ST7: variants seen among roughly 807,000 people sequenced by gnomAD.
ST7 encodes suppression of tumorigenicity 7, also known as suppressor of tumorigenicity 7 protein.
ST7 carries 28 observed loss-of-function variants against 78.7 expected under a neutral mutation model. The ratio of observed to expected loss-of-function variants is 0.36; its 90% confidence interval spans 0.26 to 0.49. ST7 has a LOEUF of 0.49. Ranked by LOEUF, ST7 falls within the 20% of genes least tolerant of loss-of-function variation. The probability of loss-of-function intolerance (pLI) is 0.99; values close to 1 mark genes in which losing one functional copy is unlikely to be tolerated. For synonymous variants in ST7, 247 were observed against 249.6 expected, an observed-to-expected ratio of 0.99 and a Z score of 0.10; for missense variants, 418 against 696.0, an observed-to-expected ratio of 0.60 and a Z score of 4.49.
At chr7:117,014,389 A>T (rs889042991) in intron 1 of ST7, among the ~76,000 whole-genome samples, 2 of 152,242 alleles carry the variant, frequency 1.3e-5, no homozygotes, top group Non-Finnish European at 2.9e-5. Context: ...TGTCCTTTCC[A>T]GCTGATGTCT....
At chr7:117,023,715 T>A (rs971203163) in intron 1 of ST7, among the ~76,000 whole-genome samples, 2 of 152,162 alleles carry the variant, frequency 1.3e-5, no homozygotes, top group Non-Finnish European at 1.5e-5. Context: ...AAGAAGAAAG[T>A]ACTATCAAGT....
chr7:117,169,817 TTTTTTTG>T (rs1364429510), intron 9 of ST7, among the ~76,000 whole-genome samples: 2 of 141,240 alleles, frequency 1.4e-5, no homozygotes, highest in African/African-American at 3.0e-5. Flanking sequence ...TTTTTTTTTT[TTTTTTTG>T]TCCTGAGTAG....
intron 2 of ST7, among the ~76,000 whole-genome samples, chr7:117,113,333 T>C (rs949042491): frequency 2.0e-5 from 3 of 152,176 alleles, no homozygotes; most frequent in African/African-American, 7.2e-5. Flanking sequence ...GGAAGGTGGA[T>C]AGCAGCAGGG....
chr7:117,162,344 T>A (rs1807225954), intron 9 of ST7, among the ~76,000 whole-genome samples: 1 of 151,980 alleles, frequency 6.6e-6, no homozygotes. Context: ...GGGGAAAAAA[T>A]AAAACTGCTT....
chr7:117,171,648 T>G (rs1358034113), intron 10 of ST7, among the ~76,000 whole-genome samples: 4 of 151,644 alleles, frequency 2.6e-5, no homozygotes, highest in Non-Finnish European at 5.9e-5. Context: ...ATGCTCATAT[T>G]GTCATTATCC....
chr7:116,954,200 G>A (rs1431812079), intron 1 of ST7: 1 of 151,994 alleles, frequency 6.6e-6, no homozygotes, highest in South Asian at 2.1e-4. Flanking sequence ...GTGCTCGGCG[G>A]CGAAGCCCCC....
At chr7:116,989,288 G>A (rs962194238) in intron 1 of ST7, among the ~76,000 whole-genome samples, 5 of 152,096 alleles carry the variant, frequency 3.3e-5, no homozygotes, top group Admixed American at 3.3e-4. Flanking sequence ...TATGTAGCTC[G>A]TGCTACCCTT....
At chr7:117,167,846 C>T (rs1457818438) in intron 9 of ST7, among the ~76,000 whole-genome samples, 2 of 152,100 alleles carry the variant, frequency 1.3e-5, no homozygotes, top group Admixed American at 6.6e-5. Context: ...AGAGGTCAAA[C>T]AAGAAAAGGG....
chr7:116,968,274 TC>T (rs1562983169), intron 1 of ST7: 2 of 5,044 alleles, frequency 4.0e-4, no homozygotes, highest in African/African-American at 1.3e-3. Context: ...CCTCCCTCCC[TC>T]CCTCCCTCCC....
At chr7:117,127,933 T>C (rs1024304460) in intron 3 of ST7, among the ~76,000 whole-genome samples, 4 of 151,936 alleles carry the variant, frequency 2.6e-5, no homozygotes, top group Admixed American at 2.6e-4. Context: ...AAAACAGTTT[T>C]CTTTGTGATT....
intron 1 of ST7, chr7:116,972,033 G>A (rs1793452948): frequency 2.2e-6 from 1 of 460,394 alleles, no homozygotes. Flanking sequence ...CAGGGGAGGA[G>A]CGGGAGGCAA....
intron 1 of ST7, among the ~76,000 whole-genome samples, chr7:117,064,991 C>G (rs1563053610): frequency 6.6e-6 from 1 of 152,128 alleles, no homozygotes; most frequent in Non-Finnish European, 1.5e-5. Flanking sequence ...GGGTGTATCT[C>G]TTAAACTGTC....
chr7:117,060,664 AT>A (rs565878178), intron 1 of ST7, among the ~76,000 whole-genome samples: 1 of 152,126 alleles, frequency 6.6e-6, no homozygotes. Context: ...ATATATATCA[AT>A]TTTTTTCTCA....
chr7:117,006,505 A>G (rs1052222744), intron 1 of ST7, among the ~76,000 whole-genome samples: 2 of 152,226 alleles, frequency 1.3e-5, no homozygotes, highest in Admixed American at 6.5e-5. Flanking sequence ...TTTATTCACA[A>G]TTAAAATTTG....
At chr7:117,166,013 A>T (rs1192006810) in intron 9 of ST7, among the ~76,000 whole-genome samples, 1 of 152,170 alleles carries the variant, frequency 6.6e-6, no homozygotes, top group Non-Finnish European at 1.5e-5. Flanking sequence ...GAATTCAGTG[A>T]GAAGCCAGTA....
intron 15 of ST7, among the ~76,000 whole-genome samples, chr7:117,229,063 G>C (rs1458712816): frequency 6.6e-6 from 1 of 152,216 alleles, no homozygotes; most frequent in Non-Finnish European, 1.5e-5. Flanking sequence ...GAAGCACTTG[G>C]CTTTCTTAAA....
At chr7:116,996,567 G>A (rs957496191) in intron 1 of ST7, among the ~76,000 whole-genome samples, 33 of 152,272 alleles carry the variant, frequency 2.2e-4, no homozygotes, top group African/African-American at 5.5e-4. Context: ...CAGTCTCTTC[G>A]TAACCAGGCA....
intron 13 of ST7, among the ~76,000 whole-genome samples, chr7:117,210,351 A>G (rs1167540868): frequency 6.6e-6 from 1 of 152,178 alleles, no homozygotes; most frequent in Non-Finnish European, 1.5e-5. Context: ...GTTATCCTCC[A>G]CTGGAACCAG....
At chr7:117,138,786 A>AT (rs1467833701) in intron 9 of ST7, among the ~76,000 whole-genome samples, 1 of 152,144 alleles carries the variant, frequency 6.6e-6, no homozygotes, top group Non-Finnish European at 1.5e-5. Flanking sequence ...ACTTCTTAGA[A>AT]TTTTTTCGAG....
Sources: allele counts gnomAD v4.1 joint callset (sites outside exome capture counted in the v4.1 genomes callset), GRCh38; gene constraint gnomAD v4.1.1; transcripts MANE v1.5; gene names NCBI Gene and HGNC (gene_info 2026-07-23, HGNC 2026-07-21).